Variants in MFSD2A observed in about 807,000 individuals in gnomAD.
MFSD2A encodes MFSD2 lysolipid transporter A, lysophospholipid, also known as sodium-dependent lysophosphatidylcholine symporter 1.
MFSD2A carries 27 observed loss-of-function variants against 64.7 expected under a neutral mutation model. That is an observed-to-expected ratio of 0.42 (90% CI 0.31 to 0.58). MFSD2A has a LOEUF of 0.58. Among genes scored for constraint, MFSD2A ranks in the 20% least tolerant of loss-of-function variants. MFSD2A has a pLI of 0.18. For missense variants in MFSD2A, 474 were observed against 679.5 expected, an observed-to-expected ratio of 0.70 and a Z score of 3.36; for synonymous variants, 258 against 273.4, an observed-to-expected ratio of 0.94 and a Z score of 0.55.
chr1:39,963,923 C>T lies in MFSD2A; in HGVS notation c.354-1288C>T, dbSNP rs59693234. Among the ~76,000 whole-genome samples the T allele has an allele frequency of 1.9e-3, 289 of 152,094 alleles. 4 individuals are homozygous for T. The East Asian group carries it at 0.024, about 13-fold the overall frequency. On this transcript the variant is annotated intron_variant, in intron 3 of 13. Coordinates refer to ENST00000372811, the MANE Select transcript of MFSD2A (RefSeq NM_032793.5). The surrounding 1 kb of genome is among the most constrained non-coding windows in gnomAD (Gnocchi z 4.2). ...TTAATTTTTGTATTTTTAGTAGAGA[C>T]GGAGGTTTCGCCATGTTGGGCAGGC...
Position 39,955,732 on chromosome 1 carries a change from C to A in MFSD2A, c.93+347C>A, listed in dbSNP as rs1644911938. The A allele has an allele frequency of 1.9e-6, 1 of 528,522 alleles. No homozygotes were observed. 32.7% of individuals were successfully genotyped at this position (528,522 alleles called of 1,614,324 possible). A position where few individuals can be genotyped will look rare whatever the true frequency, so the allele number is the denominator to read the frequency against. ...GAGATGACCCCAGAAATCTGGGAAA[C>A]TCCCCTTGGTTCCCCATCTCTCATC... On this transcript the variant is annotated intron_variant, in intron 1 of 13. Transcript: ENST00000372811. This position sits in a 1 kb window ranked among gnomAD's most constrained non-coding sequence, Gnocchi z 5.9.
At position 39,965,713 on chromosome 1, in the gene MFSD2A, ATGCGTTCAAACCAAGG is replaced by A. The variant is rs1645146133; in HGVS notation, c.557-141_557-126del. On this transcript the variant is annotated intron_variant, in intron 5 of 13. Transcript: ENST00000372811. The surrounding 1 kb of genome is among the most constrained non-coding windows in gnomAD (Gnocchi z 5.5). Reference sequence around the variant, plus strand: ...TCAGATGAGACCTGGAGAGGTGCATATGCGTTCAAACCAAGGTGTCACCTACCCCACTACCTCTACC... The same window carrying A: ...TCAGATGAGACCTGGAGAGGTGCATATGTCACCTACCCCACTACCTCTACC... The A allele has an allele frequency of 4.1e-6, 5 of 1,212,220 alleles. No homozygotes were observed. The highest frequency in any genetic ancestry group is 5.9e-6 in the Non-Finnish European group (5 of 848,310). The allele number at this position is 1,212,220 out of a possible 1,614,324, so 75.1% of individuals were successfully genotyped here.
chr1:39,967,060 C>T (rs1177939995), intron 8 of MFSD2A, 26 bp from the exon 9 acceptor site: 1 of 1,613,234 alleles, frequency 6.2e-7, no homozygotes. Context: ...CCTTGCATTT[C>T]CTTCCCTACC....
chr1:39,956,569 G>A (rs1472463200), intron 1 of MFSD2A, among the ~76,000 whole-genome samples: 4 of 152,152 alleles, frequency 2.6e-5, no homozygotes, highest in African/African-American at 9.7e-5. Flanking sequence ...AGTTCTTTAG[G>A]GATGGTGGGC....
Position 39,955,742 on chromosome 1 carries a change from T to G in MFSD2A, c.93+357T>G. 2.0e-6 allele frequency: 1 copy of G among 502,176 alleles called. No homozygotes were observed. The highest frequency in any genetic ancestry group is 3.8e-6 in the Non-Finnish European group (1 of 260,180). The allele number at this position is 502,176 out of a possible 1,614,324, so 31.1% of individuals were successfully genotyped here. ...CAGAAATCTGGGAAACTCCCCTTGG[T>G]TCCCCATCTCTCATCCCCTACCTCC... is the stretch of plus-strand genomic sequence containing the variant. On this transcript the variant is annotated intron_variant, in intron 1 of 13. Coordinates refer to ENST00000372811, the MANE Select transcript of MFSD2A (RefSeq NM_032793.5). This position sits in a 1 kb window ranked among gnomAD's most constrained non-coding sequence, Gnocchi z 5.9.
At chr1:39,959,270 C>T (rs1644987262) in intron 3 of MFSD2A, among the ~76,000 whole-genome samples, 1 of 147,110 alleles carries the variant, frequency 6.8e-6, no homozygotes, top group African/African-American at 2.5e-5. Flanking sequence ...TTTTTAGAGA[C>T]AGGGTCTCGC....
chr1:39,967,108 T>C lies in MFSD2A; in HGVS notation c.950T>C (p.Leu317Ser). 6.2e-7 allele frequency: 1 copy of C among 1,614,062 alleles called. No individual in the cohort carries two copies. Among genetic ancestry groups the C allele is most frequent in the South Asian group, 1.1e-5 (1 of 91,062 alleles). ...CAGCTGGTGGAGGGGAACTTTGTCT[T>C]GTTTTGCACCTACACCTTGGGCTTC... The part of the protein sequence containing the change: ...AFMLVEGNFV[L>S]FCTYTLGFRN... Residue 317 changes from leucine to serine, a missense_variant, in exon 9 of 14, where the codon TTG (leucine) becomes TCG (serine). By Grantham distance (145) the Leu-to-Ser change is moderately radical. Coordinates refer to ENST00000372811, the MANE Select transcript of MFSD2A (RefSeq NM_032793.5).
rs1373416660 is a variant in MFSD2A at position 39,969,834 on chromosome 1, G to A, written c.*266G>A. 2 of 402,962 alleles carry A rather than the reference G, an allele frequency of 5.0e-6. No individual in the cohort carries two copies. The highest frequency in any genetic ancestry group is 8.4e-6 in the Non-Finnish European group (2 of 239,054). 25.0% of individuals were successfully genotyped at this position (402,962 alleles called of 1,614,324 possible). On this transcript the variant is annotated 3_prime_UTR_variant, in exon 14 of 14. Transcript: ENST00000372811. ...ATCGGGCCTAGCCCGGAACACTAAT[G>A]TAGAAACCTTTTTTTTTACAGAGCC...
Position 39,960,280 on chromosome 1 carries a change from C to A in MFSD2A, c.353+1455C>A, listed in dbSNP as rs978621484. 1.3e-5 allele frequency among the ~76,000 whole-genome samples: 2 copies of A among 152,222 alleles called. No homozygotes were observed. Among genetic ancestry groups the A allele is most frequent in the African/African-American group, 2.4e-5 (1 of 41,466 alleles). Reference sequence around the variant, plus strand: ...TCCAGCCCATCCAGGCTTAAGTGGGCGCCTTCCTGCCCCAGGGGCGCCCAT... The same window carrying A: ...TCCAGCCCATCCAGGCTTAAGTGGGAGCCTTCCTGCCCCAGGGGCGCCCAT... On this transcript the variant is annotated intron_variant, in intron 3 of 13. Transcript: ENST00000372811. The surrounding 1 kb of genome is among the most constrained non-coding windows in gnomAD (Gnocchi z 4.8).
rs1202113121 is a variant in MFSD2A, at chr1:39,957,147, G to T, written c.154G>T (p.Gly52Trp). ...SVCNKLCYALGGAPYQVTGCA... is the reference protein window; with the variant it reads ...SVCNKLCYALWGAPYQVTGCA... ...TTGCAACAAGCTTTGCTATGCACTT[G>T]GGGGAGCCCCCTACCAGGTGACGGG... The change falls in exon 2 of 14, where the codon GGG becomes TGG. Residue 52 changes from glycine (G) to tryptophan (W), a missense_variant. Transcript: ENST00000372811. 1.2e-6 allele frequency: 2 copies of T among 1,613,848 alleles called. No homozygotes were observed. The highest frequency in any genetic ancestry group is 2.2e-5 in the South Asian group (2 of 91,068).
rs368608657 is a variant in MFSD2A, at chr1:39,966,797, G to C, written c.806-14G>C. 6.2e-7 allele frequency: 1 copy of C among 1,613,984 alleles called. No individual in the cohort carries two copies. The highest frequency in any genetic ancestry group is 8.5e-7 in the Non-Finnish European group (1 of 1,179,998). ...GGTCTCTGCTCCTTCCTCACTGTCC[G>C]CTCTGGCCCCCAGAACCCTATGAAG... On this transcript the variant is annotated splice_polypyrimidine_tract_variant and intron_variant, in intron 7 of 13. Coordinates refer to ENST00000372811, the MANE Select transcript of MFSD2A (RefSeq NM_032793.5).
In MFSD2A at chr1:39,963,318, G is replaced by A; in HGVS notation, c.354-1893G>A. On this transcript the variant is annotated intron_variant, in intron 3 of 13. Transcript: ENST00000372811. The surrounding 1 kb of genome is among the most constrained non-coding windows in gnomAD (Gnocchi z 4.2). ...CTACCTGACCCCCGACCTCTGGAAG[G>A]AGACTGTATTCACCAAGTCTCCCGA... The A allele has an allele frequency of 8.1e-7, 1 of 1,240,048 alleles. No homozygotes were observed. The highest frequency in any genetic ancestry group is 1.1e-6 in the Non-Finnish European group (1 of 871,196). 76.8% of individuals were successfully genotyped at this position (1,240,048 alleles called of 1,614,324 possible). A position where few individuals can be genotyped will look rare whatever the true frequency, so the allele number is the denominator to read the frequency against.
At chr1:39,967,220 C>A in intron 9 of MFSD2A, 51 bp downstream of exon 9, 1 of 1,510,944 alleles carries the variant, frequency 6.6e-7, no homozygotes, top group Non-Finnish European at 9.2e-7. Flanking sequence ...GTGACATAGG[C>A]TGTGGAATGG....
At position 39,966,948 on chromosome 1, in the gene MFSD2A, C is replaced by T; in HGVS notation, c.927+16C>T. ...GGCTTTCATGGTGAGTGGGTTCTGA[C>T]ATGCTCAGCCTGAGAAGGAGGTGTA... is the stretch of plus-strand genomic sequence containing the variant. On this transcript the variant is annotated intron_variant, in intron 8 of 13. Coordinates refer to ENST00000372811, the MANE Select transcript of MFSD2A (RefSeq NM_032793.5). 1 of 1,613,118 alleles carries T rather than the reference C, an allele frequency of 6.2e-7. No individual in the cohort carries two copies. The highest frequency in any genetic ancestry group is 1.3e-5 in the African/African-American group (1 of 75,014).
intron 3 of MFSD2A, chr1:39,962,917 T>A: frequency 6.3e-7 from 1 of 1,577,252 alleles, no homozygotes; most frequent in Non-Finnish European, 8.6e-7. Context: ...CGCACCAGGT[T>A]CAAGGCGTTT....
chr1:39,959,008 A>C (rs898123105), intron 3 of MFSD2A, among the ~76,000 whole-genome samples, 183 bp downstream of exon 3: 1 of 152,164 alleles, frequency 6.6e-6, no homozygotes, highest in Non-Finnish European at 1.5e-5. Flanking sequence ...TGGCATGCTC[A>C]GCCAGTTCAT....
intron 1 of MFSD2A, 83 bp from the exon 2 acceptor site, chr1:39,957,004 G>A: frequency 6.6e-7 from 1 of 1,520,040 alleles, no homozygotes; most frequent in South Asian, 1.1e-5. Flanking sequence ...GGTAGAGCTG[G>A]CCAGAGGGAT....
intron 3 of MFSD2A, chr1:39,962,959 G>C (rs1305233149): frequency 7.7e-6 from 12 of 1,551,172 alleles, no homozygotes; most frequent in Non-Finnish European, 2.6e-6. Flanking sequence ...GGCCATGTCG[G>C]TCTGGGTGTT....
chr1:39,957,087 A>C lies in MFSD2A; in HGVS notation c.94A>C (p.Lys32Gln). The change falls in exon 2 of 14, where the codon AAA becomes CAA. Residue 32 changes from lysine to glutamine, a missense_variant and splice_region_variant. Physicochemically the swap from Lys to Gln is moderately conservative, Grantham distance 53. Coordinates refer to ENST00000372811, the MANE Select transcript of MFSD2A (RefSeq NM_032793.5). ...QSTERPAQVK[K>Q]EPKKKKQQLS... ...TTTCATCTTTTCCTCCTCTTCCCAG[A>C]AAGAACCGAAAAAGAAGAAACAACA... is the stretch of plus-strand genomic sequence containing the variant. The C allele has an allele frequency of 1.2e-6, 2 of 1,614,168 alleles. No homozygotes were observed. The highest frequency in any genetic ancestry group is 8.5e-7 in the Non-Finnish European group (1 of 1,180,028).
Sources: allele counts gnomAD v4.1 joint callset (sites outside exome capture counted in the v4.1 genomes callset), GRCh38; gene constraint gnomAD v4.1.1; non-coding constraint Gnocchi (gnomAD v3.1); transcripts MANE v1.5; gene names NCBI Gene and HGNC (gene_info 2026-07-23, HGNC 2026-07-21).